MDGA2: variants seen among roughly 807,000 people sequenced by gnomAD.
MDGA2 encodes MAM domain containing glycosylphosphatidylinositol anchor 2.
In MDGA2, 40 loss-of-function variants were observed where a neutral mutation model predicts 117.8. The observed-to-expected ratio is 0.34, with a 90% CI of 0.26 to 0.44. MDGA2 has a LOEUF of 0.44. Among genes scored for constraint, MDGA2 ranks in the 20% least tolerant of loss-of-function variants. The pLI is 1.00. For synonymous variants in MDGA2, 452 were observed against 439.0 expected, an observed-to-expected ratio of 1.03 and a Z score of -0.37; for missense variants, 1,123 against 1,250.6, an observed-to-expected ratio of 0.90 and a Z score of 1.54.
intron 3 of MDGA2, among the ~76,000 whole-genome samples, chr14:47,195,565 A>T (rs1482127850): frequency 6.6e-6 from 1 of 152,050 alleles, no homozygotes; most frequent in Admixed American, 6.5e-5. Flanking sequence ...TTGATATTCA[A>T]ATCAAGAAAT....
intron 1 of MDGA2, among the ~76,000 whole-genome samples, chr14:47,522,295 T>C (rs1894883894): frequency 6.6e-6 from 1 of 151,760 alleles, no homozygotes; most frequent in South Asian, 2.1e-4. Flanking sequence ...TAGAATATAT[T>C]TATATGTGTG....
chr14:47,667,887 A>G (rs535408824), intron 1 of MDGA2, among the ~76,000 whole-genome samples: 33 of 152,340 alleles, frequency 2.2e-4, no homozygotes, highest in Non-Finnish European at 3.4e-4. Context: ...CAGCCACACC[A>G]CAGTCCTTAA....
At chr14:47,384,810 C>T (rs954922439) in intron 1 of MDGA2, among the ~76,000 whole-genome samples, 1 of 152,102 alleles carries the variant, frequency 6.6e-6, no homozygotes, top group Admixed American at 6.5e-5. Flanking sequence ...GGGTGTTAAG[C>T]CCAGTAGGGT....
chr14:47,291,775 G>A (rs1022758372), intron 2 of MDGA2, among the ~76,000 whole-genome samples: 3 of 152,166 alleles, frequency 2.0e-5, no homozygotes, highest in Admixed American at 1.3e-4. Flanking sequence ...TCTGCTGAAT[G>A]CTTATGACTT....
At chr14:47,068,463 G>A (rs1890164273) in intron 6 of MDGA2, among the ~76,000 whole-genome samples, 1 of 148,818 alleles carries the variant, frequency 6.7e-6, no homozygotes, top group South Asian at 2.1e-4. Context: ...TGTCTTTATC[G>A]GTGTCATAAA....
chr14:47,084,925 G>C (rs1020302783), intron 6 of MDGA2, among the ~76,000 whole-genome samples: 1 of 135,186 alleles, frequency 7.4e-6, no homozygotes, highest in African/African-American at 2.9e-5. Flanking sequence ...TTTTGTTACA[G>C]GAACACGTGC....
At chr14:46,934,864 G>A (rs112884623) in intron 9 of MDGA2, among the ~76,000 whole-genome samples, 2 of 151,952 alleles carry the variant, frequency 1.3e-5, no homozygotes, top group East Asian at 1.9e-4. Context: ...TTGTCAGTGG[G>A]TGAGGAAAGC....
intron 5 of MDGA2, among the ~76,000 whole-genome samples, chr14:47,106,409 A>C (rs1880678854): frequency 1.3e-5 from 2 of 151,982 alleles, no homozygotes; most frequent in South Asian, 4.2e-4. Context: ...CCTGAACCGC[A>C]GCAGCCAGGC....
intron 7 of MDGA2, among the ~76,000 whole-genome samples, chr14:47,042,366 C>T (rs1183555286): frequency 5.5e-5 from 8 of 144,988 alleles, no homozygotes; most frequent in African/African-American, 7.7e-5. Context: ...CATGCAGGTG[C>T]GTGTCTTCAA....
intron 9 of MDGA2, among the ~76,000 whole-genome samples, chr14:46,948,950 C>T (rs1412729294): frequency 6.6e-6 from 1 of 151,980 alleles, no homozygotes; most frequent in East Asian, 1.9e-4. Flanking sequence ...TTTGGAGGGG[C>T]ATTTTCAATG....
chr14:47,504,991 A>C (rs940723931), intron 1 of MDGA2, among the ~76,000 whole-genome samples: 1 of 152,212 alleles, frequency 6.6e-6, no homozygotes, highest in African/African-American at 2.4e-5. Flanking sequence ...TGCTGTATAC[A>C]CAATGGACTT....
intron 5 of MDGA2, among the ~76,000 whole-genome samples, chr14:47,102,771 AC>A (rs1022742612): frequency 2.0e-5 from 3 of 152,144 alleles, no homozygotes; most frequent in Non-Finnish European, 4.4e-5. Flanking sequence ...CTGGGCCTTA[AC>A]TTTCCCATCT....
intron 10 of MDGA2, among the ~76,000 whole-genome samples, chr14:46,902,253 G>C (rs925417557): frequency 6.6e-6 from 1 of 151,704 alleles, no homozygotes; most frequent in Non-Finnish European, 1.5e-5. Context: ...TACTATTTTT[G>C]TTTACTTCCC....
intron 2 of MDGA2, among the ~76,000 whole-genome samples, chr14:47,260,347 T>C (rs1887754992): frequency 6.6e-6 from 1 of 151,960 alleles, no homozygotes; most frequent in African/African-American, 2.4e-5. Flanking sequence ...AGTGCATATA[T>C]TTTGGGGAAA....
At chr14:47,550,318 CTTT>C (rs1392939465) in intron 1 of MDGA2, among the ~76,000 whole-genome samples, 3 of 152,180 alleles carry the variant, frequency 2.0e-5, no homozygotes, top group Non-Finnish European at 4.4e-5. Context: ...CTAGTGACTT[CTTT>C]GTGAATAAAA....
chr14:47,267,914 G>C (rs866867965), intron 2 of MDGA2, among the ~76,000 whole-genome samples: 2 of 151,988 alleles, frequency 1.3e-5, no homozygotes, highest in Non-Finnish European at 1.5e-5. Context: ...AAATGTTATG[G>C]TTTGATTAAC....
chr14:47,233,496 T>G (rs1193553313), intron 2 of MDGA2, among the ~76,000 whole-genome samples: 2 of 152,100 alleles, frequency 1.3e-5, no homozygotes, highest in Non-Finnish European at 1.5e-5. Context: ...AAATCCAAAT[T>G]TGTACTTTAG....
rs570235867 is a variant in MDGA2 at position 47,110,306 on chromosome 14, T to C, written c.926-13183A>G. Among the ~76,000 whole-genome samples the C allele has an allele frequency of 8.9e-4, 136 of 152,314 alleles. 1 individual carries two copies. The highest frequency in any genetic ancestry group is 1.1e-3 in the Non-Finnish European group (72 of 68,018). On this transcript the variant is annotated intron_variant, in intron 5 of 16. Coordinates refer to ENST00000399232, the MANE Select transcript of MDGA2 (RefSeq NM_001113498.3). ...CCAAAATAAAGGCTACGTGGCTTTTTTCACAAGAGGGCTAGTATGTACATA... is the reference window on the plus strand; with the variant it reads ...CCAAAATAAAGGCTACGTGGCTTTTCTCACAAGAGGGCTAGTATGTACATA...
chr14:46,889,603 A>G (rs1882802554), intron 10 of MDGA2, among the ~76,000 whole-genome samples: 1 of 152,046 alleles, frequency 6.6e-6, no homozygotes. Context: ...GCTTTTAGTC[A>G]CTAGTTCTAT....
Sources: gnomAD v4.1 joint callset for allele counts (sites outside exome capture counted in the v4.1 genomes callset) on GRCh38, gnomAD v4.1.1 for gene constraint, MANE v1.5 for transcripts, NCBI Gene and HGNC (gene_info 2026-07-23, HGNC 2026-07-21) for gene names.